The following ZNF83 variants were observed in gnomAD, a reference collection of about 807,000 sequenced individuals.
ZNF83 encodes the protein zinc finger protein 816B.
For synonymous variants in ZNF83, 209 were observed against 213.0 expected (o/e 0.98, Z 0.17); for missense variants, 552 against 629.9 (o/e 0.88, Z 1.32).
chr19:52,683,543 G>A (rs2061963594), intron 1 of ZNF83, among the ~76,000 whole-genome samples: 1 of 117,694 alleles, frequency 8.5e-6, no homozygotes, highest in South Asian at 2.7e-4. Context: ...CAAAGTCCCT[G>A]CCCATAATGG....
intron 2 of ZNF83, among the ~76,000 whole-genome samples, chr19:52,620,647 TTAC>T (rs1218263094): frequency 6.6e-6 from 1 of 152,100 alleles, no homozygotes; most frequent in Non-Finnish European, 1.5e-5. Context: ...AGTAAAATAT[TTAC>T]TAAACACAAA....
At position 52,620,262 on chromosome 19, in the gene ZNF83, GTATATCTC is replaced by G. The variant is rs370277793; in HGVS notation, c.-233-5473_-233-5466del. 2.3e-3 allele frequency among the ~76,000 whole-genome samples: 305 copies of G among 132,344 alleles called. 1 individual carries two copies. The highest frequency in any genetic ancestry group is 0.014 in the East Asian group (61 of 4,488). The allele number at this position is 132,344 out of a possible 152,430, so 86.8% of individuals were successfully genotyped here. On this transcript the variant is annotated intron_variant, in intron 2 of 2. Coordinates refer to ENST00000301096, the Ensembl canonical transcript of ZNF83. Reference sequence around the variant, plus strand: ...TATATGTGTGTGTATATCTGTGTGTGTATATCTCTGTGTGTGTGTGTGTGTGTGTGTAT... The same window carrying G: ...TATATGTGTGTGTATATCTGTGTGTGTGTGTGTGTGTGTGTGTGTGTGTAT...
At chr19:52,649,930 C>T (rs1385215813) in intron 3 of ZNF83, among the ~76,000 whole-genome samples, 2 of 152,004 alleles carry the variant, frequency 1.3e-5, no homozygotes, top group African/African-American at 2.4e-5. Context: ...CACCAGAGGC[C>T]AAGCTTAAGC....
chr19:52,613,275 T>C, exon 3 of ZNF83: 1 of 1,614,116 alleles, frequency 6.2e-7, no homozygotes, highest in Non-Finnish European at 8.5e-7. Flanking sequence ...ATTCATTACA[T>C]TTATAAGCTT....
At chr19:52,668,104 TAAAAC>T (rs775277235) in intron 1 of ZNF83, among the ~76,000 whole-genome samples, 2 of 152,184 alleles carry the variant, frequency 1.3e-5, no homozygotes, top group African/African-American at 2.4e-5. Flanking sequence ...TCTCTTCCTT[TAAAAC>T]AAGAGTCTCT....
intron 3 of ZNF83, chr19:52,655,052 G>A (rs1281253675): frequency 6.5e-6 from 1 of 153,090 alleles, no homozygotes; most frequent in African/African-American, 2.4e-5. Context: ...AAGGCATGGT[G>A]ACTTGCATCT....
chr19:52,660,754 C>A, intron 2 of ZNF83: 1 of 209,964 alleles, frequency 4.8e-6, no homozygotes, highest in South Asian at 9.1e-5. Flanking sequence ...TGAGGAATAT[C>A]ACTTTACCTG....
At chr19:52,649,817 GA>G (rs957163883) in intron 3 of ZNF83, among the ~76,000 whole-genome samples, 23 of 152,096 alleles carry the variant, frequency 1.5e-4, no homozygotes, top group Middle Eastern at 6.8e-3. Context: ...TAGAAAACTG[GA>G]AAAAACAGTC....
chr19:52,627,243 C>T (rs1226871947), intron 2 of ZNF83, among the ~76,000 whole-genome samples: 1 of 152,180 alleles, frequency 6.6e-6, no homozygotes, highest in African/African-American at 2.4e-5. Flanking sequence ...CTGCCTGCAC[C>T]CAGGTGAAAT....
At chr19:52,665,994 T>C (rs367971097) in intron 1 of ZNF83, among the ~76,000 whole-genome samples, 7 of 133,102 alleles carry the variant, frequency 5.3e-5, no homozygotes, top group African/African-American at 2.0e-4. Flanking sequence ...CCGTCTCTAC[T>C]AAAAATACAA....
intron 1 of ZNF83, among the ~76,000 whole-genome samples, chr19:52,689,134 C>T (rs1261680973): frequency 6.6e-6 from 1 of 152,166 alleles, no homozygotes; most frequent in East Asian, 1.9e-4. Context: ...ATTACACAAC[C>T]TGTCACTGTA....
At chr19:52,640,354 T>C (rs1261384882), upstream of ZNF83, among the ~76,000 whole-genome samples, 1 of 152,178 alleles carries the variant, frequency 6.6e-6, no homozygotes, top group Non-Finnish European at 1.5e-5. Flanking sequence ...AGAGAATCTT[T>C]AGCAGAATCA....
intron 3 of ZNF83, chr19:52,652,744 T>C (rs547686506): frequency 7.9e-6 from 6 of 759,050 alleles, no homozygotes; most frequent in Non-Finnish European, 6.7e-6. Flanking sequence ...CCCTATACCA[T>C]GGATTGCTTG....
chr19:52,669,765 AT>A (rs1227235983), intron 1 of ZNF83, among the ~76,000 whole-genome samples: 1 of 152,176 alleles, frequency 6.6e-6, no homozygotes, highest in Non-Finnish European at 1.5e-5. Context: ...GGGTGTACTT[AT>A]TCTTGTCAGG....
In ZNF83 at chr19:52,627,841, C is replaced by T. The variant is rs143425699; in HGVS notation, c.-234+7225G>A. Reference sequence around the variant, plus strand: ...CTAAGCCATCATATCCCGTGACCTGCACGTACACATCCAGATGGCCAGTTC... The same window carrying T: ...CTAAGCCATCATATCCCGTGACCTGTACGTACACATCCAGATGGCCAGTTC... On this transcript the variant is annotated intron_variant, in intron 2 of 2. Transcript: ENST00000301096. 2.1e-3 allele frequency among the ~76,000 whole-genome samples: 317 copies of T among 152,244 alleles called. 3 individuals are homozygous for T. The highest frequency in any genetic ancestry group is 6.8e-3 in the South Asian group (33 of 4,826).
At chr19:52,676,741 A>AG (rs1397094036) in intron 1 of ZNF83, among the ~76,000 whole-genome samples, 1 of 139,776 alleles carries the variant, frequency 7.2e-6, no homozygotes, top group African/African-American at 2.7e-5. Context: ...TCTGTGTAGA[A>AG]AGAAGTAGAC....
intron 3 of ZNF83, among the ~76,000 whole-genome samples, chr19:52,653,613 C>T (rs950360098): frequency 3.3e-5 from 5 of 152,032 alleles, no homozygotes; most frequent in African/African-American, 1.2e-4. Context: ...CAAGGGATGA[C>T]GTCTGACTGA....
intron 1 of ZNF83, among the ~76,000 whole-genome samples, chr19:52,683,005 A>G (rs1176374595): frequency 1.3e-5 from 2 of 151,918 alleles, no homozygotes; most frequent in Non-Finnish European, 2.9e-5. Context: ...TGAGTAGCTG[A>G]GATTATAGGC....
intron 1 of ZNF83, among the ~76,000 whole-genome samples, chr19:52,677,318 A>T (rs931707601): frequency 9.1e-6 from 1 of 110,232 alleles, no homozygotes; most frequent in African/African-American, 3.5e-5. Flanking sequence ...AAAAAAAAAA[A>T]AAAAAAAAAA....
Sources: allele counts gnomAD v4.1 joint callset (sites outside exome capture counted in the v4.1 genomes callset), GRCh38; gene constraint gnomAD v4.1.1; transcripts MANE v1.5; gene names NCBI Gene and HGNC (gene_info 2026-07-23, HGNC 2026-07-21).